Variants in MAGI3 observed in about 807,000 individuals in gnomAD.
The protein encoded by MAGI3 is membrane associated guanylate kinase, WW and PDZ domain containing 3.
MAGI3 carries 43 observed loss-of-function variants against 121.8 expected under a neutral mutation model. The observed-to-expected ratio is 0.35, with a 90% confidence interval of 0.28 to 0.46. The LOEUF (loss-of-function observed/expected upper bound fraction) is 0.46. Ranked by LOEUF, MAGI3 falls within the 20% of genes least tolerant of loss-of-function variation. The pLI is 1.00. For synonymous variants in MAGI3, 553 were observed against 639.3 expected (o/e 0.86, Z 2.04); for missense variants, 1,547 against 1,797.3 (o/e 0.86, Z 2.52).
chr1:113,509,982 T>A (rs908570751), intron 1 of MAGI3, among the ~76,000 whole-genome samples: 6 of 152,064 alleles, frequency 3.9e-5, no homozygotes, highest in Admixed American at 1.3e-4. Flanking sequence ...ATCCGTCTCA[T>A]CGGATGGACC....
chr1:113,594,404 C>T, intron 5 of MAGI3, 77 bp from the exon 6 acceptor site: 1 of 1,148,686 alleles, frequency 8.7e-7, no homozygotes, highest in South Asian at 1.4e-5. Flanking sequence ...GTCTTTTAGT[C>T]ACTTTTAATC....
intron 1 of MAGI3, among the ~76,000 whole-genome samples, chr1:113,541,667 G>A (rs150181370): frequency 2.2e-3 from 329 of 152,296 alleles, no homozygotes; most frequent in Non-Finnish European, 3.6e-3. Context: ...GAAATAATGA[G>A]AAAGCATTTG....
At chr1:113,448,485 G>GT (rs1414558274) in intron 1 of MAGI3, among the ~76,000 whole-genome samples, 5 of 152,156 alleles carry the variant, frequency 3.3e-5, no homozygotes, top group Non-Finnish European at 7.3e-5. Context: ...GATACGAAAT[G>GT]TTTTTTAATT....
intron 7 of MAGI3, among the ~76,000 whole-genome samples, chr1:113,616,187 A>G (rs1227240373): frequency 1.3e-5 from 2 of 152,212 alleles, no homozygotes; most frequent in African/African-American, 2.4e-5. Context: ...ACCTGCTCCT[A>G]GTTGTCAGGG....
intron 1 of MAGI3, among the ~76,000 whole-genome samples, chr1:113,470,375 A>G (rs887021240): frequency 1.3e-5 from 2 of 152,096 alleles, no homozygotes; most frequent in Non-Finnish European, 1.5e-5. Flanking sequence ...GGAAAAGGGG[A>G]AAAAAACAAG....
intron 2 of MAGI3, among the ~76,000 whole-genome samples, chr1:113,575,587 C>G (rs1647575886): frequency 6.6e-6 from 1 of 152,324 alleles, no homozygotes; most frequent in Non-Finnish European, 1.5e-5. Context: ...GGGCACCCAC[C>G]TGATGCCAGC....
intron 6 of MAGI3, among the ~76,000 whole-genome samples, chr1:113,607,593 G>T (rs1446027293): frequency 6.6e-6 from 1 of 152,054 alleles, no homozygotes; most frequent in African/African-American, 2.4e-5. Flanking sequence ...CAACTTCAAG[G>T]TAAAATCATG....
At chr1:113,401,334 T>A (rs550389150) in intron 1 of MAGI3, among the ~76,000 whole-genome samples, 1 of 152,270 alleles carries the variant, frequency 6.6e-6, no homozygotes, top group South Asian at 2.1e-4. Flanking sequence ...ACTGGGCAAG[T>A]ACTTACAATA....
Position 113,411,744 on chromosome 1 carries a change from A to G in MAGI3, c.316+20395A>G, listed in dbSNP as rs531676683. Reference sequence around the variant, plus strand: ...GTTTTTTTTTTTTCTATAAAAGTGAACTTGGAGACCAGTATAGCACAATAT... The same window carrying G: ...GTTTTTTTTTTTTCTATAAAAGTGAGCTTGGAGACCAGTATAGCACAATAT... On this transcript the variant is annotated intron_variant, in intron 1 of 20. Coordinates refer to ENST00000307546, the MANE Select transcript of MAGI3 (RefSeq NM_001142782.2). Among the ~76,000 whole-genome samples, 19 of 152,022 alleles carry G rather than the reference A, an allele frequency of 1.2e-4. No homozygotes were observed. The South Asian group carries it at 3.7e-3, about 30-fold the overall frequency.
intron 14 of MAGI3, among the ~76,000 whole-genome samples, chr1:113,651,850 A>G (rs1206745366): frequency 6.6e-6 from 1 of 152,188 alleles, no homozygotes; most frequent in African/African-American, 2.4e-5. Context: ...ATACCAAGAT[A>G]TCCCACTAGC....
At chr1:113,581,441 C>T (rs777283576) in intron 3 of MAGI3, among the ~76,000 whole-genome samples, 7 of 152,148 alleles carry the variant, frequency 4.6e-5, no homozygotes, top group African/African-American at 1.7e-4. Flanking sequence ...AATTCTTCAT[C>T]ATTTCTCTCT....
intron 16 of MAGI3, among the ~76,000 whole-genome samples, chr1:113,660,819 G>A (rs1179310553): frequency 2.8e-5 from 4 of 143,202 alleles, no homozygotes; most frequent in African/African-American, 1.1e-4. Context: ...GCGTAGTCTG[G>A]TCTCGAACTC....
At chr1:113,660,766 ATT>A (rs33956607) in intron 16 of MAGI3, among the ~76,000 whole-genome samples, 49 of 122,924 alleles carry the variant, frequency 4.0e-4, no homozygotes, top group Non-Finnish European at 3.5e-4. Context: ...ATAATTTTTA[ATT>A]TTTTTTTTTT....
chr1:113,444,844 G>T (rs1260914834), intron 1 of MAGI3, among the ~76,000 whole-genome samples: 3 of 152,166 alleles, frequency 2.0e-5, no homozygotes, highest in African/African-American at 4.8e-5. Flanking sequence ...ACTAAAGGAA[G>T]ACGTGGGGAA....
intron 2 of MAGI3, among the ~76,000 whole-genome samples, chr1:113,553,559 C>T (rs550548025): frequency 6.6e-6 from 1 of 152,308 alleles, no homozygotes; most frequent in Non-Finnish European, 1.5e-5. Context: ...AGGGTCCTCC[C>T]TTACTAGCAG....
chr1:113,656,107 G>C (rs1382245481), intron 15 of MAGI3, among the ~76,000 whole-genome samples: 1 of 152,174 alleles, frequency 6.6e-6, no homozygotes, highest in African/African-American at 2.4e-5. Flanking sequence ...ATTAGGCTCA[G>C]GTTGTTGATG....
intron 1 of MAGI3, among the ~76,000 whole-genome samples, chr1:113,516,390 C>CAAAA (rs60186333): frequency 1.3e-3 from 90 of 70,868 alleles, no homozygotes; most frequent in East Asian, 4.2e-3. Flanking sequence ...GAAGTTCTCA[C>CAAAA]AAAAAAAAAA....
intron 6 of MAGI3, among the ~76,000 whole-genome samples, chr1:113,611,223 A>T (rs1650113682): frequency 6.6e-6 from 1 of 151,594 alleles, no homozygotes; most frequent in East Asian, 2.0e-4. Flanking sequence ...AGTAGCTGAG[A>T]TTACAGGAAC....
chr1:113,557,418 C>A (rs1557821851), intron 2 of MAGI3, among the ~76,000 whole-genome samples: 2 of 152,324 alleles, frequency 1.3e-5, no homozygotes, highest in East Asian at 3.9e-4. Flanking sequence ...GGTTCTCCAC[C>A]AGGACACAGC....
Sources: gnomAD v4.1 joint callset for allele counts (sites outside exome capture counted in the v4.1 genomes callset) on GRCh38, gnomAD v4.1.1 for gene constraint, MANE v1.5 for transcripts, NCBI Gene and HGNC (gene_info 2026-07-23, HGNC 2026-07-21) for gene names.